Variants in RANBP2 observed in about 807,000 individuals in gnomAD.
RANBP2 encodes the protein E3 SUMO-protein ligase RanBP2.
RANBP2 carries 57 observed loss-of-function variants against 303.6 expected under a neutral mutation model. That is an observed-to-expected ratio of 0.19 (90% CI 0.15 to 0.23). The LOEUF (loss-of-function observed/expected upper bound fraction) is 0.23, where lower values mean the gene tolerates loss of function less well. Ranked by LOEUF, RANBP2 falls within the 10% of genes least tolerant of loss-of-function variation. RANBP2 has a pLI of 1.00. For synonymous variants in RANBP2, 1,167 were observed against 1,301.5 expected, an observed-to-expected ratio of 0.90 and a Z score of 2.23; for missense variants, 3,138 against 3,780.8, an observed-to-expected ratio of 0.83 and a Z score of 4.46.
chr2:109,711,637 G>A, the RANBP2 span, among the ~76,000 whole-genome samples: 1 of 152,174 alleles, frequency 6.6e-6, no homozygotes, highest in Non-Finnish European at 1.5e-5. Flanking sequence ...AAGCCTCGCT[G>A]GCCTGGCCTG....
At chr2:109,366,898 C>CTT in the RANBP2 span, among the ~76,000 whole-genome samples, 15 of 152,146 alleles carry the variant, frequency 9.9e-5, no homozygotes, top group African/African-American at 3.1e-4. Flanking sequence ...TTAATGATTG[C>CTT]TTTGTGGAAG....
At chr2:109,479,213 C>G in the RANBP2 span, among the ~76,000 whole-genome samples, 2 of 152,152 alleles carry the variant, frequency 1.3e-5, no homozygotes, top group Non-Finnish European at 2.9e-5. Flanking sequence ...AGTGGCATCT[C>G]CCCTGAGCCC....
the RANBP2 span, among the ~76,000 whole-genome samples, chr2:109,255,126 G>A: frequency 3.9e-5 from 6 of 152,184 alleles, no homozygotes; most frequent in African/African-American, 1.4e-4. Flanking sequence ...TAGTGTTTGT[G>A]TGTGTGTGTC....
At chr2:109,090,915 G>A in the RANBP2 span, among the ~76,000 whole-genome samples, 2 of 151,862 alleles carry the variant, frequency 1.3e-5, no homozygotes, top group African/African-American at 4.8e-5. Context: ...CCCACAACCT[G>A]CCATCAGATG....
the RANBP2 span, among the ~76,000 whole-genome samples, chr2:109,356,610 G>A: frequency 6.6e-6 from 1 of 152,170 alleles, no homozygotes; most frequent in African/African-American, 2.4e-5. Flanking sequence ...CCATCCCAGG[G>A]CTTGGCACTT....
chr2:109,335,809 C>T, the RANBP2 span, among the ~76,000 whole-genome samples: 3 of 152,148 alleles, frequency 2.0e-5, no homozygotes, highest in African/African-American at 4.8e-5. Flanking sequence ...TCCTACCTTA[C>T]GCGGCTGTAG....
the RANBP2 span, chr2:108,894,953 C>A: frequency 1.3e-5 from 2 of 152,176 alleles, no homozygotes; most frequent in Non-Finnish European, 2.9e-5. Context: ...AGGGTGCAAG[C>A]TGTTATCCTG....
At chr2:109,543,142 A>G in the RANBP2 span, 1 of 152,622 alleles carries the variant, frequency 6.6e-6, no homozygotes, top group African/African-American at 2.4e-5. Flanking sequence ...TGCAAATACC[A>G]CCTGAAATAT....
the RANBP2 span, among the ~76,000 whole-genome samples, chr2:109,249,215 T>TC: frequency 1.2e-3 from 185 of 152,056 alleles, 1 homozygote; most frequent in African/African-American, 4.0e-3. Context: ...GCTAAGCAAC[T>TC]CCCCCCCGAC....
the RANBP2 span, among the ~76,000 whole-genome samples, chr2:109,004,285 G>A: frequency 1.3e-5 from 2 of 152,184 alleles, no homozygotes; most frequent in Admixed American, 1.3e-4. Flanking sequence ...AAGGGAGCCT[G>A]AACTCAGGGA....
At chr2:109,218,978 G>T in the RANBP2 span, among the ~76,000 whole-genome samples, 3 of 152,202 alleles carry the variant, frequency 2.0e-5, no homozygotes, top group African/African-American at 7.2e-5. Context: ...CACTGTTTCT[G>T]TTCTGGGATT....
the RANBP2 span, among the ~76,000 whole-genome samples, chr2:109,198,455 T>C: frequency 6.6e-6 from 1 of 152,096 alleles, no homozygotes; most frequent in African/African-American, 2.4e-5. Context: ...CAGCACAGAT[T>C]GGAGGATGAT....
the RANBP2 span, among the ~76,000 whole-genome samples, chr2:108,804,382 T>A: frequency 6.6e-6 from 1 of 152,190 alleles, no homozygotes; most frequent in African/African-American, 2.4e-5. Flanking sequence ...ATTATGTATC[T>A]AACATATTTT....
the RANBP2 span, among the ~76,000 whole-genome samples, chr2:109,533,876 C>G: frequency 1.3e-5 from 2 of 152,226 alleles, no homozygotes; most frequent in African/African-American, 4.8e-5. Flanking sequence ...TTAAGCCTGT[C>G]TTTGTAAAGC....
chr2:109,665,532 G>C, the RANBP2 span: 1 of 151,842 alleles, frequency 6.6e-6, no homozygotes, highest in African/African-American at 2.4e-5. Flanking sequence ...GTAGAGACAG[G>C]GTTTCTCCAT....
chr2:108,889,040 T>G, the RANBP2 span, among the ~76,000 whole-genome samples: 4 of 152,094 alleles, frequency 2.6e-5, no homozygotes, highest in African/African-American at 7.2e-5. Context: ...ATTTTCATAT[T>G]AATTTCTTTT....
the RANBP2 span, among the ~76,000 whole-genome samples, chr2:109,306,466 G>A: frequency 6.6e-6 from 1 of 152,206 alleles, no homozygotes; most frequent in African/African-American, 2.4e-5. Flanking sequence ...ACCGCAGAAG[G>A]TATGGGAGCA....
At chr2:109,011,623 A>C in the RANBP2 span, among the ~76,000 whole-genome samples, 2 of 152,118 alleles carry the variant, frequency 1.3e-5, no homozygotes, top group African/African-American at 4.8e-5. Flanking sequence ...CTCTCTATGG[A>C]ACTGCTGTTA....
the RANBP2 span, among the ~76,000 whole-genome samples, chr2:109,687,564 T>C: frequency 1.4e-3 from 217 of 152,198 alleles, no homozygotes; most frequent in African/African-American, 5.0e-3. Flanking sequence ...TCTCCAGCTG[T>C]GGGAAACCTG....
Sources: allele counts gnomAD v4.1 joint callset (sites outside exome capture counted in the v4.1 genomes callset), GRCh38; gene constraint gnomAD v4.1.1; transcripts MANE v1.5; gene names NCBI Gene and HGNC (gene_info 2026-07-23, HGNC 2026-07-21).